The following CREBZF variants were observed in gnomAD, a reference collection of about 807,000 sequenced individuals.
The protein encoded by CREBZF is CREB/ATF bZIP transcription factor.
In CREBZF, 8 loss-of-function variants were observed where a neutral mutation model predicts 21.1. The observed-to-expected ratio is 0.38, with a 90% CI of 0.22 to 0.68. The LOEUF (loss-of-function observed/expected upper bound fraction) is 0.68, where lower values mean the gene tolerates loss of function less well. Ranked by LOEUF, CREBZF falls within the 30% of genes least tolerant of loss-of-function variation. CREBZF has a pLI of 0.51. For missense variants in CREBZF, 518 were observed against 484.3 expected, an observed-to-expected ratio of 1.07 and a Z score of -0.65; for synonymous variants, 270 against 223.3, an observed-to-expected ratio of 1.21 and a Z score of -1.86.
upstream of CREBZF, among the ~76,000 whole-genome samples, chr11:85,668,868 A>G (rs868109459): frequency 1.3e-5 from 2 of 150,374 alleles, no homozygotes; most frequent in Non-Finnish European, 3.0e-5. Flanking sequence ...CGGGCGTGGT[A>G]GCGGGCGCCT....
chr11:85,670,276 C>T (rs536640685), intron 1 of CREBZF, among the ~76,000 whole-genome samples: 1 of 116,034 alleles, frequency 8.6e-6, no homozygotes, highest in Non-Finnish European at 1.7e-5. Flanking sequence ...TTAATCCCCC[C>T]CCCCCACAAT....
At position 85,659,665 on chromosome 11, in the gene CREBZF, G is replaced by C. The variant is rs956284832; in HGVS notation, c.*4146C>G. The stretch of plus-strand genomic sequence containing the variant: ...CTCAATCTAAACCACGTGAAGGAAT[G>C]TATTAACATAATCCAACAAAAATGA... On this transcript the variant is annotated 3_prime_UTR_variant, in exon 1 of 1. Coordinates refer to ENST00000527447, the MANE Select transcript of CREBZF (RefSeq NM_001039618.4). 6.6e-6 allele frequency: 1 copy of C among 151,966 alleles called. No homozygotes were observed. Among genetic ancestry groups the C allele is most frequent in the Non-Finnish European group, 1.5e-5 (1 of 67,924 alleles). The allele number at this position is 151,966 out of a possible 1,614,324, so 9.4% of individuals were successfully genotyped here. A position where few individuals can be genotyped will look rare whatever the true frequency, so the allele number is the denominator to read the frequency against.
upstream of CREBZF, among the ~76,000 whole-genome samples, chr11:85,668,777 C>T (rs987175946): frequency 6.6e-6 from 1 of 151,040 alleles, no homozygotes; most frequent in Non-Finnish European, 1.5e-5. Flanking sequence ...CCGAGGCGGG[C>T]GGATCACGAG....
rs914598144 is a variant in CREBZF at position 85,664,000 on chromosome 11, G to T, written c.876C>A (p.Thr292=). 6.2e-7 allele frequency: 1 copy of T among 1,612,806 alleles called. No individual in the cohort carries two copies. Among genetic ancestry groups the T allele is most frequent in the African/African-American group, 1.3e-5 (1 of 74,904 alleles). Residue 292 remains threonine, a synonymous_variant, in exon 1 of 1, where the codon ACC becomes ACA. Transcript: ENST00000527447. The part of the protein sequence containing the change: ...SRLSGVGLRL[T]TSLFRDSPAG... ...CGGGCGAGTCTCTGAAGAGCGAGGT[G>T]GTCAGCCGCAGTCCCACGCCGCTCA...
rs1246680115 is a variant in CREBZF, at chr11:85,661,114, C to CT, written c.*2696dup. ...TAATTAACAAGTAGTGAATCGGACA[C>CT]TTTAAGATATTGTTTACTACATACT... On this transcript the variant is annotated 3_prime_UTR_variant, in exon 1 of 1. Transcript: ENST00000527447. The CT allele has an allele frequency of 1.3e-5, 2 of 153,194 alleles. No homozygotes were observed. The highest frequency in any genetic ancestry group is 4.8e-5 in the African/African-American group (2 of 41,412). The allele number at this position is 153,194 out of a possible 1,614,324, so 9.5% of individuals were successfully genotyped here. A position where few individuals can be genotyped will look rare whatever the true frequency, so the allele number is the denominator to read the frequency against.
chr11:85,668,830 G>A (rs1423378632), upstream of CREBZF, among the ~76,000 whole-genome samples: 3 of 150,292 alleles, frequency 2.0e-5, no homozygotes, highest in Non-Finnish European at 3.0e-5. Context: ...GTGAAACCCC[G>A]TCTCTACTAA....
chr11:85,662,331 AAAATAAAAAAC>A lies in CREBZF; in HGVS notation c.*1469_*1479del. 1.4e-6 allele frequency: 1 copy of A among 690,790 alleles called. No homozygotes were observed. Among genetic ancestry groups the A allele is most frequent in the Non-Finnish European group, 2.7e-6 (1 of 371,102 alleles). 42.8% of individuals were successfully genotyped at this position (690,790 alleles called of 1,614,324 possible). Reference sequence around the variant, plus strand: ...ATACTTTTTAATTATGAACATGTTAAAAATAAAAAACAGCAGAAGCCCTGATATTACCTCTT... The same window carrying A: ...ATACTTTTTAATTATGAACATGTTAAAGCAGAAGCCCTGATATTACCTCTT... On this transcript the variant is annotated 3_prime_UTR_variant, in exon 1 of 1. Transcript: ENST00000527447.
chr11:85,668,838 T>C (rs1436132083), upstream of CREBZF, among the ~76,000 whole-genome samples: 3 of 150,116 alleles, frequency 2.0e-5, no homozygotes, highest in Non-Finnish European at 3.0e-5. Flanking sequence ...CCGTCTCTAC[T>C]AAAAATACAA....
At position 85,664,481 on chromosome 11, in the gene CREBZF, G is replaced by C; in HGVS notation, c.395C>G (p.Ser132Trp). Residue 132 changes from serine (S) to tryptophan (W), a missense_variant, in exon 1 of 1, where the codon TCG (serine) becomes TGG (tryptophan). Transcript: ENST00000527447. The surrounding 1 kb of genome is among the most constrained non-coding windows in gnomAD (Gnocchi z 5.5). The part of the protein sequence containing the change: ...PGLSSPGPLS[S>W]SGGGSDSGGL... ...GCCGCTATCCGAGCCTCCGCCAGAC[G>C]AGGAGAGAGGCCCCGGCGAGCTAAG... is the stretch of plus-strand genomic sequence containing the variant. 1.2e-6 allele frequency: 2 copies of C among 1,613,672 alleles called. No individual in the cohort carries two copies. Among genetic ancestry groups the C allele is most frequent in the East Asian group, 2.2e-5 (1 of 44,866 alleles).
At position 85,664,784 on chromosome 11, in the gene CREBZF, A is replaced by T; in HGVS notation, c.92T>A (p.Leu31Gln). 6.3e-7 allele frequency: 1 copy of T among 1,585,934 alleles called. No individual in the cohort carries two copies. Among genetic ancestry groups the T allele is most frequent in the South Asian group, 1.1e-5 (1 of 88,094 alleles). Residue 31 changes from leucine to glutamine, a missense_variant, in exon 1 of 1, where the codon CTG becomes CAG. By Grantham distance (113) the Leu-to-Gln change is moderately radical. Around this residue, in one of 3 missense-constraint regions of CREBZF, gnomAD observed 396 missense variants for 324.4 expected, o/e 1.22. Transcript: ENST00000527447. The surrounding 1 kb of genome is among the most constrained non-coding windows in gnomAD (Gnocchi z 5.5). ...ESPEPAATCS[L>Q]PSDLTRAAAG... ...TGCAGCCCGGGTCAGGTCAGAGGGC[A>T]GCGAACAAGTTGCAGCCGGCTCCGG...
In CREBZF at chr11:85,658,724, T is replaced by C. The variant is rs1408321375; in HGVS notation, c.*5087A>G. 2.0e-5 allele frequency among the ~76,000 whole-genome samples: 3 copies of C among 151,520 alleles called. No homozygotes were observed. Among genetic ancestry groups the C allele is most frequent in the Admixed American group, 6.6e-5 (1 of 15,206 alleles). ...TTATAAAGCCCAAATTATAGTACAC[T>C]AAGAGCCAGAGGGGTCTAGGGAATT... On this transcript the variant is annotated 3_prime_UTR_variant, in exon 1 of 1. Transcript: ENST00000527447.
At chr11:85,677,748 T>C (rs1171621937) in intron 1 of CREBZF, among the ~76,000 whole-genome samples, 1 of 152,200 alleles carries the variant, frequency 6.6e-6, no homozygotes, top group African/African-American at 2.4e-5. Flanking sequence ...GATGCTAAGA[T>C]TGATCAATGT....
At chr11:85,668,988 C>G (rs1470216246), upstream of CREBZF, among the ~76,000 whole-genome samples, 42 of 76,612 alleles carry the variant, frequency 5.5e-4, no homozygotes, top group Non-Finnish European at 9.1e-4. Flanking sequence ...GGCGACAGAG[C>G]GAGACTCCGT....
At position 85,665,052 on chromosome 11, in the gene CREBZF, G is replaced by A; in HGVS notation, c.-177C>T. On this transcript the variant is annotated 5_prime_UTR_variant, in exon 1 of 1. Transcript: ENST00000527447. ...GTCGACCCCCCGCGCCAAGGCGCGG[G>A]GAGGGACGGGAGAACGAAGCGGTGA... 1 of 445,186 alleles carries A rather than the reference G, an allele frequency of 2.2e-6. No individual in the cohort carries two copies. The highest frequency in any genetic ancestry group is 4.0e-6 in the Non-Finnish European group (1 of 251,678). The allele number at this position is 445,186 out of a possible 1,614,324, so 27.6% of individuals were successfully genotyped here.
At chr11:85,673,288 T>C (rs763566064) in intron 1 of CREBZF, among the ~76,000 whole-genome samples, 3 of 152,168 alleles carry the variant, frequency 2.0e-5, no homozygotes, top group Non-Finnish European at 4.4e-5. Context: ...TCTGAGTAGA[T>C]ATAGTAGAAT....
chr11:85,673,952 A>C (rs941883204), intron 1 of CREBZF, among the ~76,000 whole-genome samples: 1 of 152,244 alleles, frequency 6.6e-6, no homozygotes, highest in Non-Finnish European at 1.5e-5. Context: ...ATGAGACTGC[A>C]GTAATTCAGT....
At chr11:85,673,780 C>T (rs748011410) in intron 1 of CREBZF, among the ~76,000 whole-genome samples, 9 of 152,210 alleles carry the variant, frequency 5.9e-5, no homozygotes, top group Non-Finnish European at 7.3e-5. Flanking sequence ...TCCAACCCTG[C>T]GGCTGCTTTA....
intron 1 of CREBZF, among the ~76,000 whole-genome samples, chr11:85,670,277 C>CG (rs2082903152): frequency 8.5e-6 from 1 of 118,324 alleles, no homozygotes; most frequent in Non-Finnish European, 1.7e-5. Flanking sequence ...TAATCCCCCC[C>CG]CCCCACAATA....
rs1394139879 is a variant in CREBZF, at chr11:85,662,262, A to G, written c.*1549T>C. On this transcript the variant is annotated 3_prime_UTR_variant, in exon 1 of 1. Transcript: ENST00000527447. Reference sequence around the variant, plus strand: ...TTTCATAACCAAATAACAAAATAAAACATTTTATGTGTAAGATAACTTACA... The same window carrying G: ...TTTCATAACCAAATAACAAAATAAAGCATTTTATGTGTAAGATAACTTACA... The G allele has an allele frequency of 1.7e-6, 1 of 594,690 alleles. No individual in the cohort carries two copies. Among genetic ancestry groups the G allele is most frequent in the Non-Finnish European group, 3.1e-6 (1 of 321,950 alleles). The allele number at this position is 594,690 out of a possible 1,614,324, so 36.8% of individuals were successfully genotyped here.
Sources: allele counts gnomAD v4.1 joint callset (sites outside exome capture counted in the v4.1 genomes callset), GRCh38; gene constraint gnomAD v4.1.1; regional missense constraint gnomAD v4.1.1; non-coding constraint Gnocchi (gnomAD v3.1); transcripts MANE v1.5; gene names NCBI Gene and HGNC (gene_info 2026-07-23, HGNC 2026-07-21).